Variants in MCCC1 observed in about 807,000 individuals in gnomAD.
The protein encoded by MCCC1 is methylcrotonyl-CoA carboxylase subunit 1, also known as methylcrotonoyl-CoA carboxylase subunit alpha, mitochondrial.
In MCCC1, 64 loss-of-function variants were observed where a neutral mutation model predicts 83.8. The observed-to-expected ratio is 0.76, with a 90% CI of 0.62 to 0.94. The LOEUF (loss-of-function observed/expected upper bound fraction) is 0.94. Ranked by LOEUF, MCCC1 falls within the 40% of genes least tolerant of loss-of-function variation. MCCC1 has a pLI of 0.00. For synonymous variants in MCCC1, 322 were observed against 315.4 expected (o/e 1.02, Z -0.22); for missense variants, 807 against 904.7 (o/e 0.89, Z 1.39).
chr3:183,114,262 T>C (rs1245568504), intron 1 of MCCC1, among the ~76,000 whole-genome samples: 5 of 152,218 alleles, frequency 3.3e-5, no homozygotes, highest in Admixed American at 6.5e-5. Context: ...CCTTTTTGAC[T>C]ACTTAACTTC....
intron 4 of MCCC1, among the ~76,000 whole-genome samples, chr3:183,075,727 G>C (rs1717022555): frequency 6.6e-6 from 1 of 151,964 alleles, no homozygotes; most frequent in African/African-American, 2.4e-5. Context: ...ATTTTTAGTA[G>C]AGACAGGGTT....
chr3:183,078,033 A>G (rs1350307109), intron 4 of MCCC1, among the ~76,000 whole-genome samples: 1 of 152,058 alleles, frequency 6.6e-6, no homozygotes, highest in Non-Finnish European at 1.5e-5. Context: ...TTATATATAT[A>G]TTTTGAGACA....
At chr3:183,091,145 T>C in intron 3 of MCCC1, 1 of 392,958 alleles carries the variant, frequency 2.5e-6, no homozygotes, top group South Asian at 1.8e-5. Context: ...AAGGGCCTGC[T>C]GTACAGTGAT....
intron 1 of MCCC1, chr3:183,099,019 G>A (rs891460727): frequency 1.6e-5 from 8 of 493,324 alleles, no homozygotes; most frequent in Admixed American, 6.6e-5. Context: ...CACCTAAGGG[G>A]TGCTGCGAAA....
In MCCC1 at chr3:183,072,331, C is replaced by T. The variant is rs756188495; in HGVS notation, c.491+35G>A. ...GGCCCAAACTATTTCAACTGACCTT[C>T]ATACAGTTATATTTTAAAAGATATA... On this transcript the variant is annotated intron_variant, in intron 5 of 18. Transcript: ENST00000265594. 1.3e-5 allele frequency: 21 copies of T among 1,611,370 alleles called. No homozygotes were observed. The Admixed American group carries it at 2.3e-4, about 18-fold the overall frequency.
At chr3:183,038,893 A>T in intron 12 of MCCC1, 133 bp downstream of exon 12, 1 of 813,778 alleles carries the variant, frequency 1.2e-6, no homozygotes, top group South Asian at 1.5e-5. Flanking sequence ...CTCCCATGTG[A>T]AACTATTTTG....
chr3:183,068,338 C>T (rs1261315818), intron 7 of MCCC1, among the ~76,000 whole-genome samples: 1 of 152,194 alleles, frequency 6.6e-6, no homozygotes, highest in African/African-American at 2.4e-5. Context: ...CCCACTAAAA[C>T]CAAGATGGTA....
At chr3:183,048,596 T>C (rs1350772527) in intron 9 of MCCC1, among the ~76,000 whole-genome samples, 1 of 152,158 alleles carries the variant, frequency 6.6e-6, no homozygotes, top group Non-Finnish European at 1.5e-5. Context: ...GCATAAAATA[T>C]ATGTAGCAAA....
chr3:183,099,691 C>T (rs1719028047), upstream of MCCC1: 5 of 588,702 alleles, frequency 8.5e-6, no homozygotes, highest in East Asian at 2.8e-5. Context: ...TTTGTTTCTG[C>T]GTCCCCTGGG....
chr3:183,087,661 G>A (rs1717993470), intron 3 of MCCC1, among the ~76,000 whole-genome samples: 1 of 152,056 alleles, frequency 6.6e-6, no homozygotes, highest in Admixed American at 6.6e-5. Context: ...GAGGTCAGGA[G>A]ATTGAGACCG....
intron 8 of MCCC1, among the ~76,000 whole-genome samples, chr3:183,053,617 C>T (rs1330571748): frequency 6.6e-6 from 1 of 151,268 alleles, no homozygotes; most frequent in African/African-American, 2.4e-5. Flanking sequence ...CCAGCCTGGC[C>T]AACATAGTGA....
At chr3:183,037,781 G>T (rs1043786501) in intron 12 of MCCC1, among the ~76,000 whole-genome samples, 3 of 152,154 alleles carry the variant, frequency 2.0e-5, no homozygotes, top group African/African-American at 7.2e-5. Flanking sequence ...TCATTTGCAA[G>T]GTATCGAAGA....
chr3:183,053,208 C>G (rs1174073757), intron 8 of MCCC1, among the ~76,000 whole-genome samples: 1 of 152,112 alleles, frequency 6.6e-6, no homozygotes, highest in African/African-American at 2.4e-5. Context: ...TGGTGGCTCA[C>G]CCCTGTAATC....
chr3:183,051,087 T>A (rs6443846), intron 9 of MCCC1, among the ~76,000 whole-genome samples: 136,870 of 152,238 alleles, frequency 0.9, 61,843 homozygotes, highest in East Asian at 1. Flanking sequence ...AAAATAGTAC[T>A]GTCACTTTAG....
intron 7 of MCCC1, among the ~76,000 whole-genome samples, chr3:183,063,091 C>G (rs1715971659): frequency 6.6e-6 from 1 of 152,112 alleles, no homozygotes; most frequent in Non-Finnish European, 1.5e-5. Context: ...TCATGCCATT[C>G]TCCTGCCTCA....
chr3:183,052,054 A>C (rs1715020271), intron 9 of MCCC1, 105 bp downstream of exon 9: 3 of 1,039,228 alleles, frequency 2.9e-6, no homozygotes, highest in Non-Finnish European at 4.5e-6. Context: ...AATATGGTCA[A>C]AACAGCTTGA....
At chr3:183,103,932 G>A (rs1026991973), upstream of MCCC1, among the ~76,000 whole-genome samples, 5 of 152,200 alleles carry the variant, frequency 3.3e-5, no homozygotes, top group Non-Finnish European at 5.9e-5. Context: ...CCAGCGCAGC[G>A]CCGGTGGGCC....
At chr3:183,041,511 CA>C (rs1409802742) in intron 11 of MCCC1, 55 bp downstream of exon 11, 1 of 1,580,908 alleles carries the variant, frequency 6.3e-7, no homozygotes, top group Non-Finnish European at 8.7e-7. Flanking sequence ...TGTCCAAAAA[CA>C]ATAATGTACT....
chr3:183,097,386 T>C (rs1253171882), intron 1 of MCCC1, among the ~76,000 whole-genome samples: 2 of 152,204 alleles, frequency 1.3e-5, no homozygotes, highest in Non-Finnish European at 2.9e-5. Flanking sequence ...AAACTATCTG[T>C]GCTGTTAAGA....
Sources: gnomAD v4.1 joint callset for allele counts (sites outside exome capture counted in the v4.1 genomes callset) on GRCh38, gnomAD v4.1.1 for gene constraint, MANE v1.5 for transcripts, NCBI Gene and HGNC (gene_info 2026-07-23, HGNC 2026-07-21) for gene names.